Variants in IPO11 observed in about 807,000 individuals in gnomAD.
IPO11 encodes the protein importin 11.
IPO11 carries 66 observed loss-of-function variants against 143.2 expected under a neutral mutation model. The ratio of observed to expected loss-of-function variants is 0.46; its 90% CI spans 0.38 to 0.57. IPO11 has a LOEUF of 0.57. IPO11 is among the 20% of genes least tolerant of loss of function. IPO11 has a pLI of 0.00. For missense variants in IPO11, 1,026 were observed against 1,141.0 expected (o/e 0.90, Z 1.45); for synonymous variants, 385 against 377.8 (o/e 1.02, Z -0.22).
At chr5:62,553,629 G>C (rs999110837) in intron 26 of IPO11, among the ~76,000 whole-genome samples, 3 of 151,176 alleles carry the variant, frequency 2.0e-5, no homozygotes, top group Non-Finnish European at 4.4e-5. Flanking sequence ...AGTTCCCTTT[G>C]CTCTACATCC....
chr5:62,517,441 T>C (rs1321838268), intron 20 of IPO11, among the ~76,000 whole-genome samples: 1 of 152,186 alleles, frequency 6.6e-6, no homozygotes, highest in Non-Finnish European at 1.5e-5. Context: ...TCGCTCTTGT[T>C]GCCCAGGCTG....
chr5:62,473,680 A>G (rs1447571313), intron 7 of IPO11, among the ~76,000 whole-genome samples: 4 of 152,200 alleles, frequency 2.6e-5, no homozygotes, highest in Non-Finnish European at 5.9e-5. Context: ...GACATCTTTT[A>G]TGATGTTTAT....
At position 62,540,365 on chromosome 5, in the gene IPO11, A is replaced by G. The variant is rs533767046; in HGVS notation, c.2250+3076A>G. Among the ~76,000 whole-genome samples, 8 of 152,332 alleles carry G rather than the reference A, an allele frequency of 5.3e-5. 1 individual carries two copies. In the South Asian group the frequency reaches 1.2e-3, roughly 24 times the overall value. On this transcript the variant is annotated intron_variant, in intron 24 of 29. Coordinates refer to ENST00000325324, the MANE Select transcript of IPO11 (RefSeq NM_016338.5). Reference sequence around the variant, plus strand: ...AATTCTCCATGTTAAATTGTAATATATGTATTCTAAGTGATTAAGAAAAGA... The same window carrying G: ...AATTCTCCATGTTAAATTGTAATATGTGTATTCTAAGTGATTAAGAAAAGA...
At chr5:62,461,363 A>G (rs757778128) in intron 5 of IPO11, among the ~76,000 whole-genome samples, 34 of 152,350 alleles carry the variant, frequency 2.2e-4, no homozygotes, top group Admixed American at 4.6e-4. Context: ...GATGATATCA[A>G]TGTCAAGGAT....
chr5:62,464,709 G>A (rs186554810), intron 5 of IPO11, among the ~76,000 whole-genome samples: 2 of 152,118 alleles, frequency 1.3e-5, no homozygotes, highest in African/African-American at 2.4e-5. Flanking sequence ...CCTGACCCCA[G>A]GTGATCATCT....
chr5:62,606,316 A>AT, intron 29 of IPO11, among the ~76,000 whole-genome samples: 1 of 138,522 alleles, frequency 7.2e-6, no homozygotes, highest in East Asian at 2.1e-4. Context: ...TCCTGCCTCT[A>AT]AAAAAAAAAA....
chr5:62,595,478 A>G (rs1011799726), intron 28 of IPO11, among the ~76,000 whole-genome samples: 6 of 152,352 alleles, frequency 3.9e-5, no homozygotes, highest in African/African-American at 1.2e-4. Context: ...TCCTCATAAC[A>G]TATTGAACAG....
chr5:62,503,707 G>C (rs1741440028), intron 16 of IPO11, among the ~76,000 whole-genome samples: 2 of 152,128 alleles, frequency 1.3e-5, no homozygotes, highest in Admixed American at 1.3e-4. Context: ...GGAAAAAGCA[G>C]GTGAAAAAAC....
At chr5:62,471,019 A>G (rs1373445998) in intron 7 of IPO11, among the ~76,000 whole-genome samples, 1 of 151,396 alleles carries the variant, frequency 6.6e-6, no homozygotes, top group Non-Finnish European at 1.5e-5. Context: ...GTAGAGACGA[A>G]GTTTTACCAT....
intron 24 of IPO11, among the ~76,000 whole-genome samples, chr5:62,547,356 G>A (rs867452950): frequency 2.0e-5 from 3 of 152,126 alleles, no homozygotes; most frequent in Middle Eastern, 3.4e-3. Flanking sequence ...CCTCAAATTC[G>A]TCATGTCAGA....
intron 29 of IPO11, among the ~76,000 whole-genome samples, chr5:62,625,157 G>GGGTGAAATTGCTTATTAATGT (rs1746520844): frequency 6.6e-6 from 1 of 152,154 alleles, no homozygotes; most frequent in Non-Finnish European, 1.5e-5. Context: ...AATTCTTGCT[G>GGGTGAAATTGCTTATTAATGT]GGTGAAATTG....
At chr5:62,544,784 A>C (rs2112337172) in intron 24 of IPO11, among the ~76,000 whole-genome samples, 1 of 152,342 alleles carries the variant, frequency 6.6e-6, no homozygotes, top group South Asian at 2.1e-4. Context: ...TGCAAAAATC[A>C]CAAGCATTTT....
intron 1 of IPO11, among the ~76,000 whole-genome samples, chr5:62,419,949 TATG>T (rs1399415281): frequency 1.3e-5 from 2 of 152,152 alleles, no homozygotes; most frequent in East Asian, 3.9e-4. Flanking sequence ...TGTAGTGAAT[TATG>T]ATGCCGGCAT....
chr5:62,430,646 C>G (rs186869864), intron 1 of IPO11, among the ~76,000 whole-genome samples: 246 of 151,458 alleles, frequency 1.6e-3, no homozygotes, highest in Middle Eastern at 6.8e-3. Context: ...AGTAGTTTAG[C>G]AGTGTATTTA....
rs1392226786 is a variant in IPO11, at chr5:62,504,852, C to G, written c.1625-6C>G. On this transcript the variant is annotated splice_region_variant and splice_polypyrimidine_tract_variant and intron_variant, in intron 17 of 29. Coordinates refer to ENST00000325324, the MANE Select transcript of IPO11 (RefSeq NM_016338.5). ...ATATTCTCAGTATTCCTTAACTGTT[C>G]TTCACCTGTTGATGATTTTGAATTT... 1 of 1,547,172 alleles carries G rather than the reference C, an allele frequency of 6.5e-7. No individual in the cohort carries two copies. The highest frequency in any genetic ancestry group is 8.8e-7 in the Non-Finnish European group (1 of 1,133,480).
chr5:62,446,602 A>G (rs916229675), intron 3 of IPO11, among the ~76,000 whole-genome samples: 2 of 152,336 alleles, frequency 1.3e-5, no homozygotes, highest in South Asian at 2.1e-4. Context: ...ATTTAAAAAA[A>G]TTGGGTTATC....
chr5:62,625,453 T>A (rs1466567512), intron 29 of IPO11, among the ~76,000 whole-genome samples: 2 of 152,238 alleles, frequency 1.3e-5, no homozygotes. Context: ...TGAATCTGGC[T>A]ATTAACACTT....
At position 62,548,097 on chromosome 5, in the gene IPO11, G is replaced by C. The variant is rs200431560; in HGVS notation, c.2251-2270G>C. On this transcript the variant is annotated intron_variant, in intron 24 of 29. Coordinates refer to ENST00000325324, the MANE Select transcript of IPO11 (RefSeq NM_016338.5). ...TTGATACTGCCTTTGCACTTCCTCT[G>C]TGCCTTCATCCTCCAAGTAATCAAA... Among the ~76,000 whole-genome samples the C allele has an allele frequency of 7.9e-5, 12 of 152,172 alleles. No homozygotes were observed. In the East Asian group the frequency reaches 2.1e-3, roughly 27 times the overall value.
intron 5 of IPO11, among the ~76,000 whole-genome samples, chr5:62,461,985 G>C (rs115676894): frequency 6.6e-6 from 1 of 152,128 alleles, no homozygotes; most frequent in Non-Finnish European, 1.5e-5. Context: ...TCAGATTTGA[G>C]ATATTTTAGC....
Sources: gnomAD v4.1 joint callset for allele counts (sites outside exome capture counted in the v4.1 genomes callset) on GRCh38, gnomAD v4.1.1 for gene constraint, MANE v1.5 for transcripts, NCBI Gene and HGNC (gene_info 2026-07-23, HGNC 2026-07-21) for gene names.